Variants in LAMP1 observed in about 807,000 individuals in gnomAD.
LAMP1 encodes lysosome-associated membrane glycoprotein 1.
LAMP1 carries 7 observed loss-of-function variants against 37.5 expected under a neutral mutation model. That is an observed-to-expected ratio of 0.19 (90% CI 0.11 to 0.35). LAMP1 has a LOEUF of 0.35. LAMP1 is among the 10% of genes least tolerant of loss of function. The probability of loss-of-function intolerance (pLI) is 1.00; values close to 1 mark genes in which losing one functional copy is unlikely to be tolerated. For missense variants in LAMP1, 537 were observed against 552.8 expected, an observed-to-expected ratio of 0.97 and a Z score of 0.29; for synonymous variants, 236 against 229.1, an observed-to-expected ratio of 1.03 and a Z score of -0.27.
chr13:113,297,499 A>G lies in LAMP1; in HGVS notation c.61+4A>G. 1.6e-6 allele frequency: 2 copies of G among 1,245,886 alleles called. No individual in the cohort carries two copies. The highest frequency in any genetic ancestry group is 2.0e-6 in the Non-Finnish European group (2 of 996,122). 77.2% of individuals were successfully genotyped at this position (1,245,886 alleles called of 1,614,324 possible). A position where few individuals can be genotyped will look rare whatever the true frequency, so the allele number is the denominator to read the frequency against. On this transcript the variant is annotated splice_donor_region_variant and intron_variant, in intron 1 of 8. Coordinates refer to ENST00000332556, the MANE Select transcript of LAMP1 (RefSeq NM_005561.4). The surrounding 1 kb of genome is among the most constrained non-coding windows in gnomAD (Gnocchi z 4.4). ...CTACTGCTGTTGCTGCTGCTCGGTGAGGGGGTCGAGGCGGGGCCTGGGAGC... is the reference window on the plus strand; with the variant it reads ...CTACTGCTGTTGCTGCTGCTCGGTGGGGGGGTCGAGGCGGGGCCTGGGAGC...
chr13:113,313,911 G>A (rs186735439), intron 4 of LAMP1, among the ~76,000 whole-genome samples: 35 of 77,358 alleles, frequency 4.5e-4, no homozygotes, highest in East Asian at 4.4e-3. Flanking sequence ...TGGAGATGCC[G>A]GTGTGCCTGG....
intron 4 of LAMP1, among the ~76,000 whole-genome samples, chr13:113,315,376 T>A (rs1227207037): frequency 6.8e-6 from 1 of 146,854 alleles, no homozygotes; most frequent in African/African-American, 2.5e-5. Context: ...GCCTCATGTA[T>A]CTTGTCTTTT....
chr13:113,303,312 C>T (rs1343949714), intron 1 of LAMP1, among the ~76,000 whole-genome samples: 1 of 152,174 alleles, frequency 6.6e-6, no homozygotes, highest in African/African-American at 2.4e-5. Context: ...CAGAATTTCT[C>T]CCAAGTGGGG....
chr13:113,302,232 T>A (rs1466433687), intron 1 of LAMP1, among the ~76,000 whole-genome samples: 1 of 152,058 alleles, frequency 6.6e-6, no homozygotes, highest in Non-Finnish European at 1.5e-5. Flanking sequence ...TTGTCCAGTC[T>A]GGAGTGCAGT....
At chr13:113,314,230 A>G (rs1372869453) in intron 4 of LAMP1, among the ~76,000 whole-genome samples, 12 of 80,312 alleles carry the variant, frequency 1.5e-4, no homozygotes, top group East Asian at 4.8e-4. Context: ...CCTGGAGGGA[A>G]CCAGTGCGGA....
chr13:113,309,878 G>T lies in LAMP1; in HGVS notation c.403+16G>T, dbSNP rs2042620479. Reference sequence around the variant, plus strand: ...AGCTCCAAAGGTAAGAACCAAAATGGGCCGATTATGAAGTGATAGAAAATT... The same window carrying T: ...AGCTCCAAAGGTAAGAACCAAAATGTGCCGATTATGAAGTGATAGAAAATT... On this transcript the variant is annotated intron_variant, in intron 3 of 8. Coordinates refer to ENST00000332556, the MANE Select transcript of LAMP1 (RefSeq NM_005561.4). The T allele has an allele frequency of 6.3e-7, 1 of 1,594,716 alleles. No individual in the cohort carries two copies. The highest frequency in any genetic ancestry group is 8.6e-7 in the Non-Finnish European group (1 of 1,164,246).
rs781143729 is a variant in LAMP1, at chr13:113,322,265, TC to T, written c.1115-15del. Reference sequence around the variant, plus strand: ...CTGTGTGAGCAGAGCCCTGACACCATCCGTCTGTCTTGGCAGTGGAGGAGTG... The same window carrying T: ...CTGTGTGAGCAGAGCCCTGACACCATCGTCTGTCTTGGCAGTGGAGGAGTG... On this transcript the variant is annotated splice_polypyrimidine_tract_variant and intron_variant, in intron 8 of 8. Transcript: ENST00000332556. The T allele has an allele frequency of 8.7e-6, 14 of 1,604,616 alleles. No homozygotes were observed. Among genetic ancestry groups the T allele is most frequent in the African/African-American group, 1.3e-5 (1 of 74,668 alleles).
chr13:113,307,957 CAAAAAAAAAA>C (rs56212251), intron 2 of LAMP1, among the ~76,000 whole-genome samples: 30 of 59,902 alleles, frequency 5.0e-4, no homozygotes, highest in Admixed American at 8.3e-4. Context: ...AGACCATCTC[CAAAAAAAAAA>C]AAAAAAAAAA....
Position 113,297,570 on chromosome 13 carries a change from G to A in LAMP1, c.61+75G>A, listed in dbSNP as rs950113385. 1.4e-5 allele frequency: 17 copies of A among 1,189,778 alleles called. No individual in the cohort carries two copies. The highest frequency in any genetic ancestry group is 3.3e-4 in the Middle Eastern group (1 of 3,032). The allele number at this position is 1,189,778 out of a possible 1,614,324, so 73.7% of individuals were successfully genotyped here. A position where few individuals can be genotyped will look rare whatever the true frequency, so the allele number is the denominator to read the frequency against. ...AGGTCCCTGGGTCTTGAGGGCGGGG[G>A]ACTGCCGGGTCGTTGTCCCGCGGGT... On this transcript the variant is annotated intron_variant, in intron 1 of 8. Transcript: ENST00000332556. The surrounding 1 kb of genome is among the most constrained non-coding windows in gnomAD (Gnocchi z 4.4).
At chr13:113,316,578 A>G (rs1274579305) in intron 4 of LAMP1, among the ~76,000 whole-genome samples, 1 of 152,028 alleles carries the variant, frequency 6.6e-6, no homozygotes, top group Non-Finnish European at 1.5e-5. Flanking sequence ...GCCCGCCACC[A>G]CGCCTGGCTA....
chr13:113,299,336 C>A (rs2042558495), intron 1 of LAMP1, among the ~76,000 whole-genome samples: 2 of 147,886 alleles, frequency 1.4e-5, no homozygotes. Flanking sequence ...ACAACCTCGG[C>A]TCACTACAAC....
intron 4 of LAMP1, among the ~76,000 whole-genome samples, chr13:113,312,139 G>A (rs1268222691): frequency 1.3e-5 from 2 of 152,154 alleles, no homozygotes; most frequent in Non-Finnish European, 2.9e-5. Context: ...AGGATCGTCC[G>A]TCTCACTCCT....
Position 113,322,478 on chromosome 13 carries a change from G to A in LAMP1, c.*57G>A. The A allele has an allele frequency of 6.6e-7, 1 of 1,523,168 alleles. No homozygotes were observed. The highest frequency in any genetic ancestry group is 8.9e-7 in the Non-Finnish European group (1 of 1,129,080). 94.4% of individuals were successfully genotyped at this position (1,523,168 alleles called of 1,614,324 possible). On this transcript the variant is annotated 3_prime_UTR_variant, in exon 9 of 9. Coordinates refer to ENST00000332556, the MANE Select transcript of LAMP1 (RefSeq NM_005561.4). ...GCCTCTGTTCCTTTCTCTGGGCTTA[G>A]GGTCCTGTCGAAGGGGAGGCACACT...
intron 1 of LAMP1, among the ~76,000 whole-genome samples, chr13:113,304,697 C>T (rs2042589785): frequency 6.6e-6 from 1 of 151,446 alleles, no homozygotes; most frequent in Admixed American, 6.6e-5. Flanking sequence ...GCTCTTGTCA[C>T]CCAGGCTGGA....
chr13:113,319,695 G>A (rs369885554), intron 5 of LAMP1, 39 bp downstream of exon 5: 34 of 1,582,722 alleles, frequency 2.1e-5, no homozygotes, highest in Admixed American at 5.1e-5. Context: ...GGGACGGCAC[G>A]GTAGGGCTGG....
chr13:113,302,050 C>T (rs1329501714), intron 1 of LAMP1, among the ~76,000 whole-genome samples: 2 of 145,734 alleles, frequency 1.4e-5, no homozygotes, highest in South Asian at 4.4e-4. Flanking sequence ...TTAGTGGTGA[C>T]AGGGTTTCTC....
intron 2 of LAMP1, among the ~76,000 whole-genome samples, chr13:113,308,573 C>T (rs2042612877): frequency 6.6e-6 from 1 of 152,070 alleles, no homozygotes; most frequent in Admixed American, 6.6e-5. Flanking sequence ...GATCTTCCCA[C>T]GTCGGCCTCC....
intron 1 of LAMP1, among the ~76,000 whole-genome samples, chr13:113,299,294 G>T (rs1477009305): frequency 1.3e-5 from 2 of 151,106 alleles, no homozygotes; most frequent in Non-Finnish European, 2.9e-5. Flanking sequence ...TTGAGGCGGA[G>T]TTGCTCTGTG....
At chr13:113,300,414 A>C (rs527811302) in intron 1 of LAMP1, among the ~76,000 whole-genome samples, 30 of 147,062 alleles carry the variant, frequency 2.0e-4, no homozygotes, top group African/African-American at 7.0e-4. Context: ...TGAACCTGGG[A>C]GGCAGGGGTT....
Sources: allele counts gnomAD v4.1 joint callset (sites outside exome capture counted in the v4.1 genomes callset), GRCh38; gene constraint gnomAD v4.1.1; non-coding constraint Gnocchi (gnomAD v3.1); transcripts MANE v1.5; gene names NCBI Gene and HGNC (gene_info 2026-07-23, HGNC 2026-07-21).